Variants in STIM2 observed in about 807,000 individuals in gnomAD.
STIM2 encodes the protein stromal interaction molecule 2.
STIM2 carries 31 observed loss-of-function variants against 85.8 expected under a neutral mutation model. The observed-to-expected ratio is 0.36, with a 90% CI of 0.27 to 0.49. The LOEUF is 0.49. Among genes scored for constraint, STIM2 ranks in the 20% least tolerant of loss-of-function variants. The pLI, the probability that STIM2 is intolerant of heterozygous loss-of-function variation, is 0.98. For synonymous variants in STIM2, 356 were observed against 331.1 expected (o/e 1.08, Z -0.82); for missense variants, 841 against 927.6 (o/e 0.91, Z 1.21).
At chr4:26,949,607 G>A (rs1317981416) in intron 2 of STIM2, among the ~76,000 whole-genome samples, 2 of 152,160 alleles carry the variant, frequency 1.3e-5, no homozygotes, top group Admixed American at 6.5e-5. Context: ...CAGTGTGCTT[G>A]AGGAACAGTT....
chr4:26,964,895 C>T (rs921239975), intron 3 of STIM2, among the ~76,000 whole-genome samples: 4 of 152,098 alleles, frequency 2.6e-5, no homozygotes, highest in African/African-American at 7.2e-5. Context: ...TAAAGCCAGA[C>T]GAGCTGCATT....
intron 11 of STIM2, chr4:27,021,189 T>C: frequency 1.2e-6 from 1 of 815,612 alleles, no homozygotes. Context: ...CTTGCCACTC[T>C]TCTAGTGCAG....
At chr4:26,949,599 G>A (rs925108283) in intron 2 of STIM2, among the ~76,000 whole-genome samples, 2 of 152,174 alleles carry the variant, frequency 1.3e-5, no homozygotes, top group Non-Finnish European at 2.9e-5. Context: ...CCTCTAATCA[G>A]TGTGCTTGAG....
At chr4:26,953,842 T>A (rs1726146863) in intron 2 of STIM2, among the ~76,000 whole-genome samples, 1 of 152,140 alleles carries the variant, frequency 6.6e-6, no homozygotes, top group Non-Finnish European at 1.5e-5. Context: ...TTTATCACCC[T>A]AAAAGTCCAG....
At position 26,999,294 on chromosome 4, in the gene STIM2, G is replaced by A; in HGVS notation, c.572G>A (p.Arg191Lys). The A allele has an allele frequency of 1.9e-6, 3 of 1,609,994 alleles. No homozygotes were observed. Among genetic ancestry groups the A allele is most frequent in the Non-Finnish European group, 2.5e-6 (3 of 1,178,040 alleles). The stretch of plus-strand genomic sequence containing the variant: ...TTGAAAATCAGTGACCGGAGTCACA[G>A]ACAAAAACTTCAGCTCAAGGCATTG... The change falls in exon 5 of 12, where the codon AGA becomes AAA. Residue 191 changes from arginine (R) to lysine (K), a missense_variant. By Grantham distance (26) the Arg-to-Lys change is conservative (BLOSUM62 2). Coordinates refer to ENST00000467087, the MANE Select transcript of STIM2 (RefSeq NM_020860.4).
chr4:26,872,537 A>G (rs1223067472), intron 1 of STIM2, among the ~76,000 whole-genome samples: 2 of 152,224 alleles, frequency 1.3e-5, no homozygotes, highest in Non-Finnish European at 2.9e-5. Context: ...TTTGTTTTTT[A>G]CAATCTTTTA....
chr4:26,863,911 C>T (rs796108617), intron 1 of STIM2, among the ~76,000 whole-genome samples: 5 of 152,166 alleles, frequency 3.3e-5, no homozygotes, highest in African/African-American at 1.2e-4. Context: ...TTAATACTTA[C>T]CTTTAGAAGC....
At chr4:26,878,161 C>A (rs1346558973) in intron 1 of STIM2, among the ~76,000 whole-genome samples, 1 of 152,142 alleles carries the variant, frequency 6.6e-6, no homozygotes, top group East Asian at 1.9e-4. Flanking sequence ...ATAGTGGATT[C>A]TTTTTTATAT....
In STIM2 at chr4:27,022,888, C is replaced by T. The variant is rs149216323; in HGVS notation, c.2133C>T (p.Ala711=). ...ACGACAGTAAACCAGTTCAGGAAGC[C>T]CCAAGTGTTGCCAGAATAAGCAGCA... is the stretch of plus-strand genomic sequence containing the variant. The change falls in exon 12 of 12, where the codon GCC becomes GCT. Residue 711 remains alanine (A), a synonymous_variant. Transcript: ENST00000467087. The T allele has an allele frequency of 2.1e-5, 34 of 1,614,038 alleles. No individual in the cohort carries two copies. The African/African-American group carries it at 3.9e-4, about 18-fold the overall frequency.
intron 1 of STIM2, among the ~76,000 whole-genome samples, chr4:26,874,999 G>A (rs1029532484): frequency 1.3e-5 from 2 of 152,170 alleles, no homozygotes; most frequent in Non-Finnish European, 2.9e-5. Context: ...TGATTGCTAC[G>A]CGTTCCAGTA....
intron 1 of STIM2, among the ~76,000 whole-genome samples, chr4:26,864,996 A>T (rs551269973): frequency 4.0e-4 from 61 of 152,336 alleles, no homozygotes; most frequent in African/African-American, 1.4e-3. Flanking sequence ...AATATTTTAC[A>T]AATAACTTAC....
intron 1 of STIM2, among the ~76,000 whole-genome samples, chr4:26,891,052 T>G (rs1723457773): frequency 6.6e-6 from 1 of 152,170 alleles, no homozygotes; most frequent in South Asian, 2.1e-4. Context: ...TGCAAAGCCT[T>G]TTCTTGTTCT....
At chr4:26,879,368 T>G (rs1054662284) in intron 1 of STIM2, among the ~76,000 whole-genome samples, 2 of 152,098 alleles carry the variant, frequency 1.3e-5, no homozygotes, top group Admixed American at 1.3e-4. Context: ...GAAGAATGCA[T>G]AGTTTTGTAG....
At chr4:27,000,449 A>T (rs974862194) in intron 5 of STIM2, among the ~76,000 whole-genome samples, 1 of 152,196 alleles carries the variant, frequency 6.6e-6, no homozygotes, top group Non-Finnish European at 1.5e-5. Context: ...GACTGAATCC[A>T]TTGGGGGATT....
Position 26,951,810 on chromosome 4 carries a change from A to G in STIM2, c.283-5802A>G, listed in dbSNP as rs190603146. On this transcript the variant is annotated intron_variant, in intron 2 of 11. Coordinates refer to ENST00000467087, the MANE Select transcript of STIM2 (RefSeq NM_020860.4). ...ATTTTTGATGTAATGGTGATTGGAT[A>G]TAATGTTAACTTATGTGATTGTGTG... is the stretch of plus-strand genomic sequence containing the variant. Among the ~76,000 whole-genome samples, 21 of 152,290 alleles carry G rather than the reference A, an allele frequency of 1.4e-4. No individual in the cohort carries two copies. In the East Asian group the frequency reaches 2.9e-3, roughly 21 times the overall value.
At chr4:27,008,124 GTA>G in intron 8 of STIM2, 1 of 632,930 alleles carries the variant, frequency 1.6e-6, no homozygotes, top group Non-Finnish European at 2.8e-6. Context: ...CACCATTGTA[GTA>G]TAATATAGCT....
chr4:27,020,830 A>G (rs754034716), intron 11 of STIM2, among the ~76,000 whole-genome samples: 14 of 152,178 alleles, frequency 9.2e-5, no homozygotes, highest in Non-Finnish European at 1.9e-4. Context: ...TGCCAAGACA[A>G]GTGAGACAAG....
chr4:26,911,586 T>C (rs534682356), intron 1 of STIM2, among the ~76,000 whole-genome samples: 1 of 152,336 alleles, frequency 6.6e-6, no homozygotes, highest in African/African-American at 2.4e-5. Flanking sequence ...TGTTGAACTT[T>C]TGAAAAGTCT....
chr4:26,886,379 T>C (rs755557209), intron 1 of STIM2, among the ~76,000 whole-genome samples: 2 of 152,150 alleles, frequency 1.3e-5, no homozygotes, highest in Non-Finnish European at 2.9e-5. Context: ...AGTTAACAAG[T>C]AGACAAATAT....
Sources: gnomAD v4.1 joint callset for allele counts (sites outside exome capture counted in the v4.1 genomes callset) on GRCh38, gnomAD v4.1.1 for gene constraint, MANE v1.5 for transcripts, NCBI Gene and HGNC (gene_info 2026-07-23, HGNC 2026-07-21) for gene names.